SLC35F1: variants seen among roughly 807,000 people sequenced by gnomAD.
The protein encoded by SLC35F1 is chromosome 6 open reading frame 169.
In SLC35F1, 14 loss-of-function variants were observed where a neutral mutation model predicts 48.7. That is an observed-to-expected ratio of 0.29 (90% CI 0.19 to 0.45). SLC35F1 has a LOEUF of 0.45. Among genes scored for constraint, SLC35F1 ranks in the 20% least tolerant of loss-of-function variants. The pLI is 1.00. For synonymous variants in SLC35F1, 190 were observed against 202.2 expected, an observed-to-expected ratio of 0.94 and a Z score of 0.51; for missense variants, 404 against 500.0, an observed-to-expected ratio of 0.81 and a Z score of 1.83.
chr6:118,140,961 T>C (rs980946243), intron 1 of SLC35F1, among the ~76,000 whole-genome samples: 1 of 152,232 alleles, frequency 6.6e-6, no homozygotes, highest in African/African-American at 2.4e-5. Context: ...AGTCAAAACA[T>C]TTTTAAAAAT....
At chr6:118,251,732 T>A (rs1241941803) in intron 3 of SLC35F1, among the ~76,000 whole-genome samples, 1 of 152,144 alleles carries the variant, frequency 6.6e-6, no homozygotes, top group Non-Finnish European at 1.5e-5. Context: ...TGGTGACTTA[T>A]TCGGTGTGTG....
chr6:118,254,195 G>C lies in SLC35F1; in HGVS notation c.478-12800G>C, dbSNP rs546998254. ...ACCTGGATGTAGAGTATTCACGCCG[G>C]TATCCTCTGCATCTATAACAATCCT... On this transcript the variant is annotated intron_variant, in intron 3 of 7. Coordinates refer to ENST00000360388, the MANE Select transcript of SLC35F1 (RefSeq NM_001029858.4). 3.9e-5 allele frequency among the ~76,000 whole-genome samples: 6 copies of C among 152,238 alleles called. No individual in the cohort carries two copies. The East Asian group carries it at 1.2e-3, about 29-fold the overall frequency.
intron 7 of SLC35F1, among the ~76,000 whole-genome samples, chr6:118,310,429 A>G (rs1014193729): frequency 1.3e-5 from 2 of 152,236 alleles, no homozygotes; most frequent in Non-Finnish European, 2.9e-5. Flanking sequence ...TGCACCATCC[A>G]GAATAGGGGA....
chr6:118,142,842 A>G (rs1773910916), intron 1 of SLC35F1, among the ~76,000 whole-genome samples: 1 of 152,148 alleles, frequency 6.6e-6, no homozygotes, highest in Admixed American at 6.6e-5. Context: ...TTTGATGCAA[A>G]GAATGATGAA....
intron 1 of SLC35F1, among the ~76,000 whole-genome samples, chr6:118,001,810 C>G (rs1229160445): frequency 6.6e-6 from 1 of 151,896 alleles, no homozygotes; most frequent in African/African-American, 2.4e-5. Flanking sequence ...AGACGCTTCT[C>G]AAAAGAAGAC....
At chr6:118,044,931 G>A (rs1772279062) in intron 1 of SLC35F1, among the ~76,000 whole-genome samples, 1 of 152,134 alleles carries the variant, frequency 6.6e-6, no homozygotes. Context: ...AACAATAGGA[G>A]AAAGGAAGTT....
At chr6:118,229,028 C>G (rs570133066) in intron 2 of SLC35F1, among the ~76,000 whole-genome samples, 69 of 151,644 alleles carry the variant, frequency 4.6e-4, no homozygotes, top group African/African-American at 1.6e-3. Flanking sequence ...CTGGGGTGAA[C>G]AAGAATACTA....
chr6:118,310,647 A>G (rs1055608028), intron 7 of SLC35F1, among the ~76,000 whole-genome samples: 16 of 152,176 alleles, frequency 1.1e-4, no homozygotes, highest in African/African-American at 3.6e-4. Flanking sequence ...TCTACCATTT[A>G]TTAATAAAGC....
Position 118,166,855 on chromosome 6 carries a change from G to A in SLC35F1, c.349+12235G>A, listed in dbSNP as rs145675497. ...TTAACTGAAGGAGCCAACCTGGTACGCAAGCCAAGGATGCAACTTGAGTTT... is the reference window on the plus strand; with the variant it reads ...TTAACTGAAGGAGCCAACCTGGTACACAAGCCAAGGATGCAACTTGAGTTT... On this transcript the variant is annotated intron_variant, in intron 2 of 7. Coordinates refer to ENST00000360388, the MANE Select transcript of SLC35F1 (RefSeq NM_001029858.4). Among the ~76,000 whole-genome samples, 15 of 152,264 alleles carry A rather than the reference G, an allele frequency of 9.9e-5. No homozygotes were observed. The East Asian group carries it at 1.2e-3, about 12-fold the overall frequency.
At chr6:118,032,293 A>T (rs1241964318) in intron 1 of SLC35F1, among the ~76,000 whole-genome samples, 8 of 152,198 alleles carry the variant, frequency 5.3e-5, no homozygotes. Context: ...AGGCACGAGA[A>T]CAGGGTCCGT....
chr6:118,123,763 CT>C (rs1184157123), intron 1 of SLC35F1, among the ~76,000 whole-genome samples: 1 of 152,196 alleles, frequency 6.6e-6, no homozygotes, highest in Non-Finnish European at 1.5e-5. Flanking sequence ...TGAATATCCA[CT>C]TTTGTCCCCT....
intron 7 of SLC35F1, among the ~76,000 whole-genome samples, chr6:118,299,218 C>T (rs938424027): frequency 2.0e-5 from 3 of 152,080 alleles, no homozygotes; most frequent in Admixed American, 6.6e-5. Context: ...TTGGCATAGT[C>T]GCATGCATAC....
intron 1 of SLC35F1, among the ~76,000 whole-genome samples, chr6:118,110,272 T>A (rs1186581258): frequency 6.6e-6 from 1 of 152,112 alleles, no homozygotes; most frequent in East Asian, 1.9e-4. Context: ...CAGAAAATGC[T>A]GCCCTGAAAA....
At chr6:118,227,937 C>T (rs184235187) in intron 2 of SLC35F1, among the ~76,000 whole-genome samples, 1 of 152,082 alleles carries the variant, frequency 6.6e-6, no homozygotes, top group African/African-American at 2.4e-5. Flanking sequence ...GCAGTTTCCT[C>T]TTTGAAGTCT....
rs778986355 is a variant in SLC35F1, at chr6:118,314,092, C to T, written c.1067C>T (p.Thr356Ile). 1 of 1,614,208 alleles carries T rather than the reference C, an allele frequency of 6.2e-7. No individual in the cohort carries two copies. Among genetic ancestry groups the T allele is most frequent in the East Asian group, 2.2e-5 (1 of 44,884 alleles). ...ILIGLVLYSS[T>I]STYIAQDPRV... ...ATTGGGCTGGTGCTCTACTCCTCCA[C>T]CTCCACCTACATAGCCCAGGACCCC... Residue 356 changes from threonine (T) to isoleucine (I), a missense_variant, in exon 8 of 8, where the codon ACC becomes ATC. Transcript: ENST00000360388.
intron 1 of SLC35F1, among the ~76,000 whole-genome samples, chr6:118,083,501 T>C (rs1359836050): frequency 6.6e-6 from 1 of 152,208 alleles, no homozygotes. Context: ...ACAAAATTTG[T>C]CATTCAAAAT....
In SLC35F1 at chr6:117,981,260, C is replaced by T. The variant is rs551324087; in HGVS notation, c.173+73361C>T. 5.3e-4 allele frequency among the ~76,000 whole-genome samples: 81 copies of T among 152,176 alleles called. 1 individual carries two copies. Among genetic ancestry groups the T allele is most frequent in the Middle Eastern group, 3.4e-3 (1 of 294 alleles). On this transcript the variant is annotated intron_variant, in intron 1 of 7. Transcript: ENST00000360388. ...GGCAGGAGAGAGATGGTGCTGGAGT[C>T]GTGGAGATGATGCTGGAGACATGGA...
intron 1 of SLC35F1, among the ~76,000 whole-genome samples, chr6:117,998,194 G>T (rs1375801876): frequency 6.8e-6 from 1 of 148,024 alleles, no homozygotes; most frequent in Non-Finnish European, 1.5e-5. Context: ...TTACATAATG[G>T]TAAAGGGATC....
rs1184607463 is a variant in SLC35F1, at chr6:117,923,712, T to TATGTACATATACAC, written c.173+15815_173+15816insGTACATATACACAT. On this transcript the variant is annotated intron_variant, in intron 1 of 7. Coordinates refer to ENST00000360388, the MANE Select transcript of SLC35F1 (RefSeq NM_001029858.4). ...ATATGTACATATACATATATGTACA[T>TATGTACATATACAC]ATATACATATATACATATGTATATA... Among the ~76,000 whole-genome samples, 3 of 20,164 alleles carry TATGTACATATACAC rather than the reference T, an allele frequency of 1.5e-4. 1 individual carries two copies. Among genetic ancestry groups the TATGTACATATACAC allele is most frequent in the African/African-American group, 2.5e-4 (2 of 7,940 alleles). The allele number at this position is 20,164 out of a possible 152,430, so 13.2% of individuals were successfully genotyped here.
Sources: gnomAD v4.1 joint callset for allele counts (sites outside exome capture counted in the v4.1 genomes callset) on GRCh38, gnomAD v4.1.1 for gene constraint, MANE v1.5 for transcripts, NCBI Gene and HGNC (gene_info 2026-07-23, HGNC 2026-07-21) for gene names.